The following CSMD1 variants were observed in gnomAD, a reference collection of about 807,000 sequenced individuals.
The protein encoded by CSMD1 is CUB and sushi domain-containing protein 1.
Under a neutral mutation model 417.5 loss-of-function variants are expected in CSMD1, and 213 were observed. That is an observed-to-expected ratio of 0.51 (90% CI 0.46 to 0.57). The LOEUF is 0.57. CSMD1 is among the 20% of genes least tolerant of loss of function. The probability of loss-of-function intolerance (pLI) is 0.00; values close to 1 mark genes in which losing one functional copy is unlikely to be tolerated. For synonymous variants in CSMD1, 2,862 were observed against 1,736.8 expected (o/e 1.65, Z -16.11); for missense variants, 6,923 against 4,529.7 (o/e 1.53, Z -15.17).
rs74746689 is a variant in CSMD1 at position 3,892,410 on chromosome 8, G to A, written c.818+105493C>T. Among the ~76,000 whole-genome samples, 69 of 152,202 alleles carry A rather than the reference G, an allele frequency of 4.5e-4. 1 individual carries two copies. In the East Asian group the frequency reaches 0.013, roughly 29 times the overall value. On this transcript the variant is annotated intron_variant, in intron 5 of 69. Transcript: ENST00000635120. Reference sequence around the variant, plus strand: ...CTTTACCTACACAGATCATCAAGGAGAACTTCCCCAAAGCTTGTGAAGTGA... The same window carrying A: ...CTTTACCTACACAGATCATCAAGGAAAACTTCCCCAAAGCTTGTGAAGTGA...
At chr8:4,216,606 C>G (rs985553973) in intron 3 of CSMD1, among the ~76,000 whole-genome samples, 1 of 152,156 alleles carries the variant, frequency 6.6e-6, no homozygotes. Flanking sequence ...GTGCTGAGGA[C>G]ACCGTGAAGT....
At chr8:4,843,900 C>G (rs1374997487) in intron 1 of CSMD1, among the ~76,000 whole-genome samples, 2 of 152,176 alleles carry the variant, frequency 1.3e-5, no homozygotes, top group Non-Finnish European at 2.9e-5. Flanking sequence ...CCAGTGAGCT[C>G]TTTTCTGGGT....
At chr8:3,672,096 T>C (rs767442568) in intron 7 of CSMD1, among the ~76,000 whole-genome samples, 11 of 152,156 alleles carry the variant, frequency 7.2e-5, no homozygotes, top group African/African-American at 1.9e-4. Flanking sequence ...TTCTAAAAGG[T>C]TGATGCAGCG....
At chr8:4,726,111 C>A (rs1019259537) in intron 1 of CSMD1, among the ~76,000 whole-genome samples, 1 of 152,004 alleles carries the variant, frequency 6.6e-6, no homozygotes, top group Non-Finnish European at 1.5e-5. Flanking sequence ...ATATAACACA[C>A]GGGGAGGACA....
intron 1 of CSMD1, among the ~76,000 whole-genome samples, chr8:4,809,525 T>G (rs1246771135): frequency 6.6e-6 from 1 of 152,184 alleles, no homozygotes; most frequent in Non-Finnish European, 1.5e-5. Context: ...TAAGTTCTAC[T>G]CTTCAGTAAA....
intron 5 of CSMD1, among the ~76,000 whole-genome samples, chr8:3,996,661 T>C (rs939557861): frequency 1.2e-4 from 18 of 152,188 alleles, no homozygotes; most frequent in Non-Finnish European, 2.9e-5. Context: ...ATTAAGCAGA[T>C]TGGTCCTGGC....
intron 1 of CSMD1, chr8:4,787,282 G>A (rs1337455615): frequency 3.1e-6 from 2 of 653,098 alleles, no homozygotes; most frequent in Non-Finnish European, 5.6e-6. Context: ...CTTTTCTAGA[G>A]CTCTGCCTCA....
intron 12 of CSMD1, among the ~76,000 whole-genome samples, chr8:3,452,994 A>G (rs939357890): frequency 6.6e-6 from 1 of 152,024 alleles, no homozygotes. Context: ...TCTATTTCAG[A>G]GCCTGTTATT....
chr8:3,852,436 G>C (rs1399951671), intron 5 of CSMD1, among the ~76,000 whole-genome samples: 1 of 152,198 alleles, frequency 6.6e-6, no homozygotes, highest in Non-Finnish European at 1.5e-5. Flanking sequence ...TGGTCAAGAC[G>C]TCGGGAAGAG....
At chr8:3,263,833 T>G (rs375839518) in intron 26 of CSMD1, among the ~76,000 whole-genome samples, 3 of 152,244 alleles carry the variant, frequency 2.0e-5, no homozygotes, top group East Asian at 3.8e-4. Context: ...ATGTGAAGAT[T>G]AGACATCTGT....
rs114229486 is a variant in CSMD1 at position 3,176,663 on chromosome 8, T to G, written c.5725+4447A>C. Among the ~76,000 whole-genome samples, 752 of 152,318 alleles carry G rather than the reference T, an allele frequency of 4.9e-3. 3 individuals carry two copies. Among genetic ancestry groups the G allele is most frequent in the African/African-American group, 0.017 (716 of 41,580 alleles). ...GCAAAAAAGAACATCCCTCCCACTT[T>G]AACAACGTAAAAATACTGAAGTATA... On this transcript the variant is annotated intron_variant, in intron 37 of 69. Coordinates refer to ENST00000635120, the MANE Select transcript of CSMD1 (RefSeq NM_033225.6).
chr8:4,251,422 C>G (rs189944042), intron 3 of CSMD1, among the ~76,000 whole-genome samples: 7 of 152,138 alleles, frequency 4.6e-5, no homozygotes, highest in African/African-American at 1.7e-4. Flanking sequence ...TGAGCAATAA[C>G]ATGAGACAAG....
At chr8:3,531,147 C>T (rs1797963664) in intron 10 of CSMD1, among the ~76,000 whole-genome samples, 1 of 152,094 alleles carries the variant, frequency 6.6e-6, no homozygotes, top group African/African-American at 2.4e-5. Flanking sequence ...AGGTGTGAGC[C>T]ACCACACCTG....
intron 38 of CSMD1, among the ~76,000 whole-genome samples, chr8:3,158,937 C>G (rs150149780): frequency 6.6e-6 from 1 of 152,090 alleles, no homozygotes; most frequent in Non-Finnish European, 1.5e-5. Context: ...AATGGCAAAC[C>G]GATTCCCTAA....
intron 1 of CSMD1, among the ~76,000 whole-genome samples, chr8:4,755,084 G>C (rs532408265): frequency 1.4e-4 from 22 of 152,262 alleles, no homozygotes; most frequent in African/African-American, 4.8e-4. Flanking sequence ...GTTGCAGTGA[G>C]CCGATATGGT....
At chr8:4,458,175 C>G (rs956169999) in intron 2 of CSMD1, among the ~76,000 whole-genome samples, 2 of 152,064 alleles carry the variant, frequency 1.3e-5, no homozygotes, top group Admixed American at 1.3e-4. Context: ...GATTAATATA[C>G]TAAATATCAA....
Position 2,937,420 on chromosome 8 carries a change from G to A in CSMD1, c.*1165C>T, listed in dbSNP as rs1307869067. 1 of 130,476 alleles carries A rather than the reference G, an allele frequency of 7.7e-6. No homozygotes were observed. Among genetic ancestry groups the A allele is most frequent in the East Asian group, 2.2e-4 (1 of 4,458 alleles). 8.1% of individuals were successfully genotyped at this position (130,476 alleles called of 1,614,324 possible). On this transcript the variant is annotated 3_prime_UTR_variant, in exon 70 of 70. Coordinates refer to ENST00000635120, the MANE Select transcript of CSMD1 (RefSeq NM_033225.6). The stretch of plus-strand genomic sequence containing the variant: ...GTCTTTCAATGCAATATCAAAGATC[G>A]ATGGCACAGTAAAAGACAAAAAAAA...
intron 26 of CSMD1, among the ~76,000 whole-genome samples, chr8:3,262,246 A>T (rs185646926): frequency 1.6e-5 from 2 of 121,658 alleles, no homozygotes; most frequent in Non-Finnish European, 3.4e-5. Flanking sequence ...CACATAGTTA[A>T]TTTCAAAATT....
At position 3,785,204 on chromosome 8, in the gene CSMD1, G is replaced by C. The variant is rs952153945; in HGVS notation, c.819-31162C>G. ...GAGATGATGACTACTGAATTAAAGAGTTGTTATGAAGAATCAATCCATCAC... is the reference window on the plus strand; with the variant it reads ...GAGATGATGACTACTGAATTAAAGACTTGTTATGAAGAATCAATCCATCAC... On this transcript the variant is annotated intron_variant, in intron 5 of 69. Coordinates refer to ENST00000635120, the MANE Select transcript of CSMD1 (RefSeq NM_033225.6). 3.3e-5 allele frequency among the ~76,000 whole-genome samples: 5 copies of C among 152,212 alleles called. 1 individual carries two copies. Among genetic ancestry groups the C allele is most frequent in the Admixed American group, 3.3e-4 (5 of 15,290 alleles).
Sources: allele counts gnomAD v4.1 joint callset (sites outside exome capture counted in the v4.1 genomes callset), GRCh38; gene constraint gnomAD v4.1.1; transcripts MANE v1.5; gene names NCBI Gene and HGNC (gene_info 2026-07-23, HGNC 2026-07-21).